The following RBMS3 variants were observed in gnomAD, a reference collection of about 807,000 sequenced individuals.
The protein encoded by RBMS3 is RNA binding motif single stranded interacting protein 3.
Under a neutral mutation model 66.8 loss-of-function variants are expected in RBMS3, and 27 were observed. The ratio of observed to expected loss-of-function variants is 0.40; its 90% CI spans 0.30 to 0.56. RBMS3 has a LOEUF of 0.56. Among genes scored for constraint, RBMS3 ranks in the 20% least tolerant of loss-of-function variants. The pLI, the probability that RBMS3 is intolerant of heterozygous loss-of-function variation, is 0.40. For missense variants in RBMS3, 513 were observed against 549.5 expected (o/e 0.93, Z 0.66); for synonymous variants, 188 against 183.0 (o/e 1.03, Z -0.22).
intron 8 of RBMS3, among the ~76,000 whole-genome samples, chr3:29,893,511 T>C (rs2149596118): frequency 6.6e-6 from 1 of 151,692 alleles, no homozygotes; most frequent in Non-Finnish European, 1.5e-5. Context: ...CCTGGATTTC[T>C]ACCAGAAGTT....
In RBMS3 at chr3:30,006,637, T is replaced by C. The variant is rs1699809754; in HGVS notation, c.*2775T>C. ...GAGAACCATATTTTCTGTTTCTCTT[T>C]TTCACTCTCTAAACTCTTTTTGTAT... On this transcript the variant is annotated 3_prime_UTR_variant, in exon 15 of 15. Transcript: ENST00000383767. The C allele has an allele frequency of 6.6e-6, 1 of 151,962 alleles. No homozygotes were observed. Among genetic ancestry groups the C allele is most frequent in the African/African-American group, 2.4e-5 (1 of 41,416 alleles). The allele number at this position is 151,962 out of a possible 1,614,324, so 9.4% of individuals were successfully genotyped here. A position where few individuals can be genotyped will look rare whatever the true frequency, so the allele number is the denominator to read the frequency against.
chr3:29,951,955 T>C (rs1162131199), intron 12 of RBMS3, among the ~76,000 whole-genome samples: 2 of 151,846 alleles, frequency 1.3e-5, no homozygotes, highest in Non-Finnish European at 2.9e-5. Context: ...ATTATTATCA[T>C]ATGTGTTTTC....
At chr3:29,569,333 A>G (rs910321031) in intron 3 of RBMS3, among the ~76,000 whole-genome samples, 1 of 152,138 alleles carries the variant, frequency 6.6e-6, no homozygotes, top group East Asian at 1.9e-4. Flanking sequence ...ATGAACCTCC[A>G]GCAATTTAAA....
chr3:29,352,863 T>G (rs189992690), intron 1 of RBMS3, among the ~76,000 whole-genome samples: 188 of 152,122 alleles, frequency 1.2e-3, no homozygotes, highest in Non-Finnish European at 1.0e-3. Context: ...CTGCCAGGCC[T>G]ATTTTACTTA....
At position 29,561,257 on chromosome 3, in the gene RBMS3, A is replaced by G. The variant is rs962614837; in HGVS notation, c.308-25857A>G. Among the ~76,000 whole-genome samples, 36 of 152,174 alleles carry G rather than the reference A, an allele frequency of 2.4e-4. 1 individual carries two copies. The highest frequency in any genetic ancestry group is 2.9e-5 in the Non-Finnish European group (2 of 68,042). The stretch of plus-strand genomic sequence containing the variant: ...TTTATTCCTTTGGTATATACCCAGT[A>G]AAGGGATTGCTGGGTCTAATCCCTT... On this transcript the variant is annotated intron_variant, in intron 3 of 14. Coordinates refer to ENST00000383767, the MANE Select transcript of RBMS3 (RefSeq NM_001003793.3).
chr3:29,384,394 G>A (rs912549919), intron 1 of RBMS3, among the ~76,000 whole-genome samples: 5 of 141,540 alleles, frequency 3.5e-5, no homozygotes, highest in Admixed American at 7.0e-5. Flanking sequence ...TTCTAACCTT[G>A]CTTAAGAAGT....
chr3:29,399,120 C>T (rs2039690175), intron 1 of RBMS3, among the ~76,000 whole-genome samples: 1 of 152,084 alleles, frequency 6.6e-6, no homozygotes, highest in Non-Finnish European at 1.5e-5. Flanking sequence ...TTTCTTGCCT[C>T]TAAAAGTTTT....
In RBMS3 at chr3:29,781,086, G is replaced by A. The variant is rs376205247; in HGVS notation, c.637+18097G>A. Among the ~76,000 whole-genome samples, 4 of 151,092 alleles carry A rather than the reference G, an allele frequency of 2.6e-5. No homozygotes were observed. The East Asian group carries it at 5.9e-4, about 22-fold the overall frequency. Reference sequence around the variant, plus strand: ...CCCATTAACTCGTCATTTAGCATTAGGTATGTCTCCTAATGCTATCCCTCC... The same window carrying A: ...CCCATTAACTCGTCATTTAGCATTAAGTATGTCTCCTAATGCTATCCCTCC... On this transcript the variant is annotated intron_variant, in intron 6 of 14. Coordinates refer to ENST00000383767, the MANE Select transcript of RBMS3 (RefSeq NM_001003793.3).
At chr3:29,651,729 A>G (rs552459306) in intron 4 of RBMS3, among the ~76,000 whole-genome samples, 2 of 152,128 alleles carry the variant, frequency 1.3e-5, no homozygotes, top group Non-Finnish European at 2.9e-5. Context: ...TATAAATCCT[A>G]TTACTACAAC....
At position 29,651,522 on chromosome 3, in the gene RBMS3, A is replaced by C. The variant is rs574070109; in HGVS notation, c.399+64317A>C. ...CATGCATATTCAGAATTAAGCAAAA[A>C]ATTCATTTTGATTTTTATCAGTTTT... On this transcript the variant is annotated intron_variant, in intron 4 of 14. Coordinates refer to ENST00000383767, the MANE Select transcript of RBMS3 (RefSeq NM_001003793.3). Among the ~76,000 whole-genome samples, 5 of 152,260 alleles carry C rather than the reference A, an allele frequency of 3.3e-5. No homozygotes were observed. In the South Asian group the frequency reaches 1.0e-3, roughly 32 times the overall value.
chr3:29,718,217 C>A (rs1419980440), intron 4 of RBMS3, among the ~76,000 whole-genome samples: 1 of 152,080 alleles, frequency 6.6e-6, no homozygotes, highest in African/African-American at 2.4e-5. Flanking sequence ...CCTCCAGAGA[C>A]AAACATTATC....
At chr3:29,863,825 A>G (rs2059278207) in intron 6 of RBMS3, among the ~76,000 whole-genome samples, 1 of 152,168 alleles carries the variant, frequency 6.6e-6, no homozygotes, top group African/African-American at 2.4e-5. Context: ...AATCTAGAAC[A>G]TTGTTATTTG....
chr3:29,794,708 T>C (rs2057124925), intron 6 of RBMS3, among the ~76,000 whole-genome samples: 1 of 152,206 alleles, frequency 6.6e-6, no homozygotes, highest in Non-Finnish European at 1.5e-5. Context: ...ATCATGGACC[T>C]ATGAAGCACT....
At chr3:29,756,498 A>G (rs1457896762) in intron 5 of RBMS3, among the ~76,000 whole-genome samples, 1 of 152,128 alleles carries the variant, frequency 6.6e-6, no homozygotes, top group Admixed American at 6.6e-5. Context: ...GAGTGTGTGC[A>G]GGGGAACTAT....
chr3:29,981,539 C>G (rs1697995662), intron 12 of RBMS3, among the ~76,000 whole-genome samples: 1 of 152,104 alleles, frequency 6.6e-6, no homozygotes, highest in African/African-American at 2.4e-5. Flanking sequence ...CAGCTTTTGC[C>G]CATTCAGTAT....
intron 1 of RBMS3, among the ~76,000 whole-genome samples, chr3:29,351,727 A>G (rs979922086): frequency 2.0e-5 from 3 of 152,058 alleles, no homozygotes; most frequent in Admixed American, 1.3e-4. Context: ...TATATGTATA[A>G]TAATATCTCA....
intron 10 of RBMS3, among the ~76,000 whole-genome samples, chr3:29,908,313 C>G (rs1299304617): frequency 6.6e-6 from 1 of 151,464 alleles, no homozygotes; most frequent in Non-Finnish European, 1.5e-5. Context: ...ATGAAGAACT[C>G]TGACTGTTGC....
chr3:29,798,927 TG>T (rs1370324523), intron 6 of RBMS3, among the ~76,000 whole-genome samples: 2 of 116,854 alleles, frequency 1.7e-5, no homozygotes, highest in East Asian at 2.4e-4. Context: ...TTGTACCCTC[TG>T]GTTTTTTTTT....
intron 4 of RBMS3, among the ~76,000 whole-genome samples, chr3:29,625,957 G>T (rs2049048665): frequency 1.3e-5 from 2 of 152,082 alleles, no homozygotes. Context: ...CTCCTTTGAA[G>T]TTACTGGGAA....
Sources: gnomAD v4.1 joint callset for allele counts (sites outside exome capture counted in the v4.1 genomes callset) on GRCh38, gnomAD v4.1.1 for gene constraint, MANE v1.5 for transcripts, NCBI Gene and HGNC (gene_info 2026-07-23, HGNC 2026-07-21) for gene names.